DNAJC1: variants seen among roughly 807,000 people sequenced by gnomAD.
The protein encoded by DNAJC1 is DnaJ heat shock protein family (Hsp40) member C1.
Under a neutral mutation model 76.6 loss-of-function variants are expected in DNAJC1, and 58 were observed. The ratio of observed to expected loss-of-function variants is 0.76; its 90% CI spans 0.61 to 0.94. The LOEUF (loss-of-function observed/expected upper bound fraction) is 0.94. Ranked by LOEUF, DNAJC1 falls within the 40% of genes least tolerant of loss-of-function variation. The probability of loss-of-function intolerance (pLI) is 0.00; values close to 1 mark genes in which losing one functional copy is unlikely to be tolerated. For synonymous variants in DNAJC1, 258 were observed against 267.9 expected (o/e 0.96, Z 0.36); for missense variants, 689 against 677.3 (o/e 1.02, Z -0.19).
intron 8 of DNAJC1, among the ~76,000 whole-genome samples, chr10:21,817,710 G>C (rs1247676275): frequency 6.6e-6 from 1 of 152,176 alleles, no homozygotes; most frequent in Non-Finnish European, 1.5e-5. Flanking sequence ...TGAACCCATG[G>C]CAGAAGAACG....
intron 1 of DNAJC1, among the ~76,000 whole-genome samples, chr10:21,948,186 G>T (rs1265133379): frequency 1.3e-5 from 2 of 151,468 alleles, no homozygotes; most frequent in East Asian, 3.9e-4. Flanking sequence ...TGCCTCCCGG[G>T]TTCAAGTGAT....
intron 8 of DNAJC1, among the ~76,000 whole-genome samples, chr10:21,862,626 G>C (rs577083770): frequency 6.6e-6 from 1 of 151,112 alleles, no homozygotes; most frequent in Non-Finnish European, 1.5e-5. Flanking sequence ...ACAGGGTTTC[G>C]CTATGTTGGC....
At chr10:21,812,216 G>A (rs1358047046) in intron 8 of DNAJC1, among the ~76,000 whole-genome samples, 1 of 151,912 alleles carries the variant, frequency 6.6e-6, no homozygotes, top group African/African-American at 2.4e-5. Flanking sequence ...CCGCCACCAC[G>A]CCCAGCTAAT....
intron 8 of DNAJC1, among the ~76,000 whole-genome samples, chr10:21,818,107 A>G (rs1189025201): frequency 6.6e-6 from 1 of 152,154 alleles, no homozygotes; most frequent in African/African-American, 2.4e-5. Flanking sequence ...ACAGAGCCAT[A>G]TTTCTCTTCT....
At chr10:21,870,926 A>G (rs1050823052) in intron 8 of DNAJC1, among the ~76,000 whole-genome samples, 1 of 149,230 alleles carries the variant, frequency 6.7e-6, no homozygotes, top group South Asian at 2.2e-4. Flanking sequence ...CAACCTGTGA[A>G]CATCACAACC....
At chr10:21,779,303 T>G (rs577650467) in intron 9 of DNAJC1, among the ~76,000 whole-genome samples, 1 of 152,290 alleles carries the variant, frequency 6.6e-6, no homozygotes, top group Non-Finnish European at 1.5e-5. Context: ...CCTCCTCAAG[T>G]GAGTCCCTGA....
chr10:21,949,266 A>G (rs1837553719), intron 1 of DNAJC1, among the ~76,000 whole-genome samples: 1 of 152,088 alleles, frequency 6.6e-6, no homozygotes, highest in South Asian at 2.1e-4. Context: ...ATATTTGGGT[A>G]TAGTTTATCG....
intron 1 of DNAJC1, among the ~76,000 whole-genome samples, chr10:21,946,374 A>G (rs1031656632): frequency 6.6e-6 from 1 of 152,162 alleles, no homozygotes; most frequent in Non-Finnish European, 1.5e-5. Context: ...AATATATAAA[A>G]AGTATTCAAT....
At position 21,861,626 on chromosome 10, in the gene DNAJC1, A is replaced by G. The variant is rs144142220; in HGVS notation, c.978+20656T>C. Reference sequence around the variant, plus strand: ...AGGTCATAAAGACCTTGTTGATAAAACAGGTTGCAGTAAAGCCGCCGGCCA... The same window carrying G: ...AGGTCATAAAGACCTTGTTGATAAAGCAGGTTGCAGTAAAGCCGCCGGCCA... On this transcript the variant is annotated intron_variant, in intron 8 of 11. Transcript: ENST00000376980. 2.2e-3 allele frequency among the ~76,000 whole-genome samples: 336 copies of G among 152,158 alleles called. 8 individuals are homozygous for G. In the East Asian group the frequency reaches 0.057, roughly 26 times the overall value.
At chr10:21,882,203 A>G in intron 8 of DNAJC1, 79 bp downstream of exon 8, 2 of 1,307,886 alleles carry the variant, frequency 1.5e-6, no homozygotes, top group Non-Finnish European at 1.0e-6. Context: ...ACAAAGCACT[A>G]TATCGTGAGC....
At chr10:21,882,259 C>G in intron 8 of DNAJC1, 23 bp downstream of exon 8, 2 of 1,584,212 alleles carry the variant, frequency 1.3e-6, no homozygotes, top group Non-Finnish European at 1.7e-6. Flanking sequence ...TTACTCAAAA[C>G]AAGTTTTATA....
intron 9 of DNAJC1, among the ~76,000 whole-genome samples, chr10:21,791,335 G>A (rs1326364253): frequency 6.6e-6 from 1 of 152,160 alleles, no homozygotes; most frequent in African/African-American, 2.4e-5. Context: ...AGATCATTCA[G>A]ACAGGAAATC....
At chr10:21,851,202 A>G (rs1835746737) in intron 8 of DNAJC1, among the ~76,000 whole-genome samples, 1 of 152,196 alleles carries the variant, frequency 6.6e-6, no homozygotes, top group South Asian at 2.1e-4. Context: ...ATGAAAATGA[A>G]AAAACTCCTA....
At chr10:21,786,455 TATATATATAGAGAGAGAGAG>T (rs1331267407) in intron 9 of DNAJC1, among the ~76,000 whole-genome samples, 15 of 56,968 alleles carry the variant, frequency 2.6e-4, no homozygotes, top group African/African-American at 5.6e-4. Flanking sequence ...TATATATATA[TATATATATAGAGAGAGAGAG>T]AGAGAGAGAG....
chr10:21,996,277 A>G (rs1838414236), intron 1 of DNAJC1, among the ~76,000 whole-genome samples: 1 of 152,204 alleles, frequency 6.6e-6, no homozygotes, highest in South Asian at 2.1e-4. Flanking sequence ...CAGTTCTGAA[A>G]GTCACATAGT....
chr10:21,763,024 G>C (rs545755759), intron 10 of DNAJC1, among the ~76,000 whole-genome samples: 60 of 152,150 alleles, frequency 3.9e-4, no homozygotes, highest in African/African-American at 1.4e-3. Context: ...TCTGCCTCCC[G>C]GGTTCAAGTG....
intron 1 of DNAJC1, among the ~76,000 whole-genome samples, chr10:21,992,395 A>C (rs999255699): frequency 6.6e-6 from 1 of 152,158 alleles, no homozygotes; most frequent in Admixed American, 6.5e-5. Flanking sequence ...ACATTATCAA[A>C]ATTAATTTCA....
At chr10:21,783,299 C>A (rs1222153623) in intron 9 of DNAJC1, among the ~76,000 whole-genome samples, 4 of 152,162 alleles carry the variant, frequency 2.6e-5, no homozygotes, top group Non-Finnish European at 4.4e-5. Context: ...CACCCATTCA[C>A]AATTGCTTCA....
chr10:21,938,966 C>T (rs1268697212), intron 1 of DNAJC1, among the ~76,000 whole-genome samples: 1 of 152,234 alleles, frequency 6.6e-6, no homozygotes, highest in Non-Finnish European at 1.5e-5. Context: ...CCTCAGTTCA[C>T]TGCAACCTCC....
Sources: allele counts gnomAD v4.1 joint callset (sites outside exome capture counted in the v4.1 genomes callset), GRCh38; gene constraint gnomAD v4.1.1; transcripts MANE v1.5; gene names NCBI Gene and HGNC (gene_info 2026-07-23, HGNC 2026-07-21).